The following TMEM64 variants were observed in gnomAD, a reference collection of about 807,000 sequenced individuals.
TMEM64 encodes the protein transmembrane protein 64.
Under a neutral mutation model 24.5 loss-of-function variants are expected in TMEM64, and 19 were observed. The ratio of observed to expected loss-of-function variants is 0.78; its 90% CI spans 0.54 to 1.14. The LOEUF (loss-of-function observed/expected upper bound fraction) is 1.14. TMEM64 is among the 50% of genes most tolerant of loss of function. The pLI, the probability that TMEM64 is intolerant of heterozygous loss-of-function variation, is 0.00. For missense variants in TMEM64, 487 were observed against 493.0 expected (o/e 0.99, Z 0.12); for synonymous variants, 262 against 224.7 (o/e 1.17, Z -1.49).
chr8:90,641,942 CA>C (rs1053456927), intron 1 of TMEM64, among the ~76,000 whole-genome samples: 5 of 152,138 alleles, frequency 3.3e-5, no homozygotes, highest in African/African-American at 1.2e-4. Flanking sequence ...AAGTATAGCT[CA>C]AAAGAGTAAC....
chr8:90,641,094 T>C (rs1256370243), intron 1 of TMEM64, among the ~76,000 whole-genome samples: 1 of 152,228 alleles, frequency 6.6e-6, no homozygotes, highest in Non-Finnish European at 1.5e-5. Flanking sequence ...GGCCTCTTCC[T>C]ACAGTTGCAG....
intron 1 of TMEM64, among the ~76,000 whole-genome samples, chr8:90,636,676 C>T (rs541734861): frequency 6.6e-6 from 1 of 152,282 alleles, no homozygotes; most frequent in East Asian, 1.9e-4. Context: ...CTTCTCTCCC[C>T]AGTAAGTCTT....
chr8:90,631,771 A>T (rs1280903168), intron 1 of TMEM64, 64 bp from the exon 2 acceptor site: 2 of 1,441,906 alleles, frequency 1.4e-6, no homozygotes, highest in Non-Finnish European at 1.9e-6. Flanking sequence ...ACATAAAAAA[A>T]TGTGTGTATT....
Position 90,641,231 on chromosome 8 carries a change from A to G in TMEM64, c.795+3880T>C, listed in dbSNP as rs183944998. On this transcript the variant is annotated intron_variant, in intron 1 of 2. Transcript: ENST00000458549. ...GCAGTAGGGTCTGTAGTAACTACTC[A>G]ATTTGCTGTTTTGGCTTAAAAGGAG... Among the ~76,000 whole-genome samples, 3 of 152,270 alleles carry G rather than the reference A, an allele frequency of 2.0e-5. No individual in the cohort carries two copies. The East Asian group carries it at 5.8e-4, about 29-fold the overall frequency.
chr8:90,626,242 T>A (rs1438890257), intron 2 of TMEM64, among the ~76,000 whole-genome samples: 1 of 152,230 alleles, frequency 6.6e-6, no homozygotes, highest in African/African-American at 2.4e-5. Flanking sequence ...TATTATACCT[T>A]TGCATGACTA....
intron 2 of TMEM64, among the ~76,000 whole-genome samples, chr8:90,627,007 T>C (rs1257258054): frequency 6.6e-6 from 1 of 152,202 alleles, no homozygotes; most frequent in Admixed American, 6.5e-5. Flanking sequence ...CCAAAGTTCA[T>C]TTGTAAATCA....
chr8:90,644,827 TC>T (rs1456383896), intron 1 of TMEM64, among the ~76,000 whole-genome samples: 12 of 152,256 alleles, frequency 7.9e-5, no homozygotes, highest in Admixed American at 2.0e-4. Context: ...TCCATTCATG[TC>T]CCTGCATGCC....
intron 1 of TMEM64, among the ~76,000 whole-genome samples, chr8:90,643,940 G>A (rs1470193075): frequency 6.6e-6 from 1 of 152,190 alleles, no homozygotes; most frequent in East Asian, 1.9e-4. Context: ...AGAAAAAAGA[G>A]AAAGGTTTTA....
rs148180898 is a variant in TMEM64, at chr8:90,631,696, G to A, written c.807C>T (p.Leu269=). ...LQNAVFSITD[L]SLPNYLMASS... Reference sequence around the variant, plus strand: ...ATGCCATCAGATAGTTGGGTAATGAGAGATCAGTAATCTAGAAGAGTAGAT... The same window carrying A: ...ATGCCATCAGATAGTTGGGTAATGAAAGATCAGTAATCTAGAAGAGTAGAT... Residue 269 remains leucine, a synonymous_variant, in exon 2 of 3, where the codon CTC becomes CTT. Coordinates refer to ENST00000458549, the MANE Select transcript of TMEM64 (RefSeq NM_001008495.4). The A allele has an allele frequency of 1.9e-6, 3 of 1,612,562 alleles. No homozygotes were observed. Among genetic ancestry groups the A allele is most frequent in the Non-Finnish European group, 2.5e-6 (3 of 1,178,940 alleles).
At chr8:90,631,832 G>T in intron 1 of TMEM64, 125 bp from the exon 2 acceptor site, 1 of 643,444 alleles carries the variant, frequency 1.6e-6, no homozygotes, top group Non-Finnish European at 2.5e-6. Flanking sequence ...CTTTACAACA[G>T]TATTCTGAGT....
chr8:90,635,794 C>T (rs554585651), intron 1 of TMEM64, among the ~76,000 whole-genome samples: 3 of 152,220 alleles, frequency 2.0e-5, no homozygotes, highest in South Asian at 4.1e-4. Flanking sequence ...AATAACAAAA[C>T]ATTACATATT....
At position 90,645,184 on chromosome 8, in the gene TMEM64, C is replaced by G. The variant is rs1438657617; in HGVS notation, c.722G>C (p.Gly241Ala). 1 of 1,614,164 alleles carries G rather than the reference C, an allele frequency of 6.2e-7. No individual in the cohort carries two copies. Among genetic ancestry groups the G allele is most frequent in the South Asian group, 1.1e-5 (1 of 91,076 alleles). Residue 241 changes from glycine to alanine, a missense_variant, in exon 1 of 3, where the codon GGA becomes GCA. Transcript: ENST00000458549. This position sits in a 1 kb window ranked among gnomAD's most constrained non-coding sequence, Gnocchi z 4.2. ...LSAVIRVVEGGSGLKVVALAR... is the reference protein window; with the variant it reads ...LSAVIRVVEGASGLKVVALAR... ...CAGCGCCACCACTTTCAGGCCGCTT[C>G]CTCCCTCCACTACGCGAATAACCGC...
At position 90,622,839 on chromosome 8, in the gene TMEM64, G is replaced by C. The variant is rs1809301390; in HGVS notation, c.*2832C>G. ...ATCAAGGGAGAGAATGGCTGGCTCT[G>C]AATAAACCCACAGTCACTTCTGAAC... On this transcript the variant is annotated 3_prime_UTR_variant, in exon 3 of 3. Coordinates refer to ENST00000458549, the MANE Select transcript of TMEM64 (RefSeq NM_001008495.4). The C allele has an allele frequency of 6.6e-6, 1 of 152,158 alleles. No individual in the cohort carries two copies. The highest frequency in any genetic ancestry group is 2.4e-5 in the African/African-American group (1 of 41,450). 9.4% of individuals were successfully genotyped at this position (152,158 alleles called of 1,614,324 possible). A position where few individuals can be genotyped will look rare whatever the true frequency, so the allele number is the denominator to read the frequency against.
intron 2 of TMEM64, among the ~76,000 whole-genome samples, chr8:90,630,543 T>C (rs1236366213): frequency 6.6e-6 from 1 of 152,148 alleles, no homozygotes; most frequent in African/African-American, 2.4e-5. Flanking sequence ...CCAGTTCTTG[T>C]GGATCAGAGA....
intron 2 of TMEM64, among the ~76,000 whole-genome samples, chr8:90,630,956 T>G (rs949879904): frequency 6.6e-6 from 1 of 152,218 alleles, no homozygotes; most frequent in Non-Finnish European, 1.5e-5. Context: ...ACTTCTTATG[T>G]AAAATTTTAT....
Position 90,625,451 on chromosome 8 carries a change from C to T in TMEM64, c.*220G>A, listed in dbSNP as rs555256436. 16 of 472,066 alleles carry T rather than the reference C, an allele frequency of 3.4e-5. No individual in the cohort carries two copies. The highest frequency in any genetic ancestry group is 5.6e-4 in the Middle Eastern group (1 of 1,794). 29.2% of individuals were successfully genotyped at this position (472,066 alleles called of 1,614,324 possible). On this transcript the variant is annotated 3_prime_UTR_variant, in exon 3 of 3. Coordinates refer to ENST00000458549, the MANE Select transcript of TMEM64 (RefSeq NM_001008495.4). The stretch of plus-strand genomic sequence containing the variant: ...TAAAGTGCAGACCTATAGGCCAATA[C>T]AGGCATGATAAAGAGGTGCAGCCAA...
rs535015087 is a variant in TMEM64 at position 90,645,616 on chromosome 8, C to G, written c.290G>C (p.Gly97Ala). The G allele has an allele frequency of 1.4e-5, 22 of 1,535,186 alleles. No homozygotes were observed. The highest frequency in any genetic ancestry group is 1.7e-5 in the Non-Finnish European group (19 of 1,144,950). ...CTCAGCCACGCCGACCACCACGCCG[C>G]CGCCGCCACTCCCGGGGCCGCCCGC... ...ALAGGPGSGGGGVVVGVAEVR... is the reference protein window; with the variant it reads ...ALAGGPGSGGAGVVVGVAEVR... The change falls in exon 1 of 3, where the codon GGC becomes GCC. Residue 97 changes from glycine (G) to alanine (A), a missense_variant. This residue lies in a region of TMEM64 where 419 missense variants were observed against 407.5 expected (regional missense o/e 1.03). Coordinates refer to ENST00000458549, the MANE Select transcript of TMEM64 (RefSeq NM_001008495.4). The surrounding 1 kb of genome is among the most constrained non-coding windows in gnomAD (Gnocchi z 4.2).
intron 2 of TMEM64, among the ~76,000 whole-genome samples, chr8:90,627,472 G>C (rs1206598414): frequency 6.6e-6 from 1 of 151,594 alleles, no homozygotes. Flanking sequence ...ATATGGGGGC[G>C]GGGGCGGGTG....
intron 2 of TMEM64, among the ~76,000 whole-genome samples, chr8:90,628,706 G>A (rs1035766835): frequency 2.0e-5 from 3 of 152,172 alleles, no homozygotes; most frequent in Admixed American, 2.0e-4. Flanking sequence ...CTGGATTTCA[G>A]TACAGTTTGA....
Sources: gnomAD v4.1 joint callset for allele counts (sites outside exome capture counted in the v4.1 genomes callset) on GRCh38, gnomAD v4.1.1 for gene constraint, gnomAD v4.1.1 regional missense constraint, Gnocchi (gnomAD v3.1) non-coding constraint, MANE v1.5 for transcripts, NCBI Gene and HGNC (gene_info 2026-07-23, HGNC 2026-07-21) for gene names.